The following ABCD2 variants were observed in gnomAD, a reference collection of about 807,000 sequenced individuals.
The protein encoded by ABCD2 is ATP-binding cassette sub-family D member 2.
Under a neutral mutation model 70.9 loss-of-function variants are expected in ABCD2, and 36 were observed. That is an observed-to-expected ratio of 0.51 (90% CI 0.39 to 0.67). ABCD2 has a LOEUF of 0.67. ABCD2 is among the 30% of genes least tolerant of loss of function. The pLI is 0.00. For missense variants in ABCD2, 729 were observed against 890.2 expected (o/e 0.82, Z 2.30); for synonymous variants, 304 against 306.9 (o/e 0.99, Z 0.10).
chr12:39,570,191 C>T (rs1373859243), intron 9 of ABCD2, among the ~76,000 whole-genome samples: 1 of 152,160 alleles, frequency 6.6e-6, no homozygotes, highest in Admixed American at 6.5e-5. Flanking sequence ...AATTCAATCC[C>T]TATGGAAATG....
intron 6 of ABCD2, among the ~76,000 whole-genome samples, chr12:39,596,776 G>A (rs955734011): frequency 2.6e-5 from 4 of 152,104 alleles, no homozygotes; most frequent in African/African-American, 7.2e-5. Flanking sequence ...AAGAGCATAC[G>A]TGTTAGAATT....
downstream of ABCD2, among the ~76,000 whole-genome samples, chr12:39,547,806 T>C (rs1941040161): frequency 6.6e-6 from 1 of 152,142 alleles, no homozygotes; most frequent in South Asian, 2.1e-4. Flanking sequence ...TTATGTTATG[T>C]GTTTTTTACC....
At chr12:39,606,186 T>A (rs1237331347) in intron 3 of ABCD2, among the ~76,000 whole-genome samples, 1 of 152,012 alleles carries the variant, frequency 6.6e-6, no homozygotes, top group Non-Finnish European at 1.5e-5. Flanking sequence ...TGGATCAGGA[T>A]GGAATGTGAA....
downstream of ABCD2, among the ~76,000 whole-genome samples, chr12:39,546,553 G>T (rs752681582): frequency 6.6e-6 from 1 of 152,076 alleles, no homozygotes; most frequent in Non-Finnish European, 1.5e-5. Context: ...ATAAAACTGG[G>T]TAATGTGTTG....
intron 7 of ABCD2, among the ~76,000 whole-genome samples, chr12:39,581,718 C>T (rs1941598635): frequency 6.6e-6 from 1 of 152,146 alleles, no homozygotes. Flanking sequence ...GGTCAAAGGA[C>T]ACTTTAACTT....
intron 2 of ABCD2, among the ~76,000 whole-genome samples, chr12:39,611,721 T>C (rs891418066): frequency 6.6e-6 from 1 of 152,096 alleles, no homozygotes; most frequent in African/African-American, 2.4e-5. Flanking sequence ...AGTAAAAGTA[T>C]GAATTTCTAT....
At chr12:39,545,214 T>C (rs1476114762), downstream of ABCD2, among the ~76,000 whole-genome samples, 1 of 152,234 alleles carries the variant, frequency 6.6e-6, no homozygotes, top group Non-Finnish European at 1.5e-5. Context: ...GTAATTATTT[T>C]TCACTTAGAC....
chr12:39,573,982 CA>C (rs1473076783), intron 8 of ABCD2, 141 bp from the exon 9 acceptor site: 1 of 732,912 alleles, frequency 1.4e-6, no homozygotes, highest in Non-Finnish European at 2.1e-6. Flanking sequence ...AATGATAAAG[CA>C]AAAAAGTAGT....
chr12:39,587,655 G>A (rs1941684142), intron 6 of ABCD2, among the ~76,000 whole-genome samples: 1 of 152,130 alleles, frequency 6.6e-6, no homozygotes, highest in South Asian at 2.1e-4. Context: ...GGAACAAGGT[G>A]GAATGGATAG....
chr12:39,557,884 G>A (rs1205969661), intron 9 of ABCD2, among the ~76,000 whole-genome samples: 1 of 152,216 alleles, frequency 6.6e-6, no homozygotes, highest in African/African-American at 2.4e-5. Context: ...TGCAGGGTCA[G>A]AGCCCTTATG....
chr12:39,577,845 G>A (rs1941540243), intron 8 of ABCD2, among the ~76,000 whole-genome samples: 2 of 152,148 alleles, frequency 1.3e-5, no homozygotes, highest in Admixed American at 1.3e-4. Context: ...TAAATCAAGT[G>A]TAACGAAACA....
chr12:39,612,192 T>C (rs551837940), intron 2 of ABCD2, among the ~76,000 whole-genome samples: 119 of 152,328 alleles, frequency 7.8e-4, no homozygotes, highest in African/African-American at 2.8e-3. Context: ...GCTGAACCTA[T>C]GCATAGCCTG....
chr12:39,577,637 A>G (rs1448192420), intron 8 of ABCD2, among the ~76,000 whole-genome samples: 4 of 152,170 alleles, frequency 2.6e-5, no homozygotes, highest in Admixed American at 2.6e-4. Flanking sequence ...TTTTGAGACA[A>G]TTAGGGAAAC....
chr12:39,581,212 A>G (rs1192332811), intron 7 of ABCD2, among the ~76,000 whole-genome samples: 3 of 152,214 alleles, frequency 2.0e-5, no homozygotes, highest in Admixed American at 2.0e-4. Flanking sequence ...TTTAGAGCAC[A>G]TTTAAAAATG....
At chr12:39,547,507 T>G (rs377611264), downstream of ABCD2, among the ~76,000 whole-genome samples, 1 of 152,134 alleles carries the variant, frequency 6.6e-6, no homozygotes, top group African/African-American at 2.4e-5. Flanking sequence ...TTCTATCACA[T>G]GCTACAACAT....
intron 6 of ABCD2, among the ~76,000 whole-genome samples, chr12:39,595,412 CTATT>C: frequency 6.6e-6 from 1 of 152,202 alleles, no homozygotes; most frequent in Middle Eastern, 3.4e-3. Context: ...TAAAAATACT[CTATT>C]TAGCATAACT....
rs1941078555 is a variant in ABCD2, at chr12:39,550,879, A to C, written c.*3033T>G. The C allele has an allele frequency of 6.6e-6, 1 of 151,720 alleles. No homozygotes were observed. Among genetic ancestry groups the C allele is most frequent in the Admixed American group, 6.6e-5 (1 of 15,210 alleles). 9.4% of individuals were successfully genotyped at this position (151,720 alleles called of 1,614,324 possible). A position where few individuals can be genotyped will look rare whatever the true frequency, so the allele number is the denominator to read the frequency against. On this transcript the variant is annotated 3_prime_UTR_variant, in exon 10 of 10. Transcript: ENST00000308666. ...TAACAGATTTTCCTAGACTCATTGA[A>C]TCAAAAAGCTATTCCAAACATATTA...
intron 9 of ABCD2, among the ~76,000 whole-genome samples, chr12:39,554,780 C>T (rs528969675): frequency 6.6e-6 from 1 of 152,196 alleles, no homozygotes; most frequent in Non-Finnish European, 1.5e-5. Flanking sequence ...CCACCTTGTC[C>T]TAAAGGAGGC....
chr12:39,608,684 C>T (rs1942005130), intron 2 of ABCD2, among the ~76,000 whole-genome samples: 2 of 151,434 alleles, frequency 1.3e-5, no homozygotes, highest in African/African-American at 2.4e-5. Flanking sequence ...TGAGACCCTG[C>T]CTCAAATAAA....
Sources: gnomAD v4.1 joint callset for allele counts (sites outside exome capture counted in the v4.1 genomes callset) on GRCh38, gnomAD v4.1.1 for gene constraint, MANE v1.5 for transcripts, NCBI Gene and HGNC (gene_info 2026-07-23, HGNC 2026-07-21) for gene names.